PCDH15: variants seen among roughly 807,000 people sequenced by gnomAD.
PCDH15 encodes protocadherin-15.
PCDH15 carries 129 observed loss-of-function variants against 178.5 expected under a neutral mutation model. The ratio of observed to expected loss-of-function variants is 0.72; its 90% CI spans 0.63 to 0.84. PCDH15 has a LOEUF of 0.84. Ranked by LOEUF, PCDH15 falls within the 40% of genes least tolerant of loss-of-function variation. The pLI is 0.00. For missense variants in PCDH15, 2,230 were observed against 2,099.9 expected (o/e 1.06, Z -1.21); for synonymous variants, 800 against 732.0 (o/e 1.09, Z -1.50).
intron 3 of PCDH15, among the ~76,000 whole-genome samples, chr10:54,890,754 T>C (rs1954446115): frequency 6.6e-6 from 1 of 152,040 alleles, no homozygotes; most frequent in African/African-American, 2.4e-5. Flanking sequence ...GAATATGTAG[T>C]GGTAGGCCTG....
intron 2 of PCDH15, among the ~76,000 whole-genome samples, chr10:54,999,002 C>A (rs1455045994): frequency 6.6e-6 from 1 of 151,990 alleles, no homozygotes; most frequent in Non-Finnish European, 1.5e-5. Context: ...AATTTTTATT[C>A]ATTTTCTATC....
At chr10:54,662,528 C>T (rs1353749121) in intron 2 of PCDH15, among the ~76,000 whole-genome samples, 1 of 151,854 alleles carries the variant, frequency 6.6e-6, no homozygotes, top group African/African-American at 2.4e-5. Context: ...CTATGCAATG[C>T]CCAATAATGA....
chr10:55,010,882 G>T (rs1840031657), intron 2 of PCDH15, among the ~76,000 whole-genome samples: 1 of 151,648 alleles, frequency 6.6e-6, no homozygotes, highest in South Asian at 2.1e-4. Context: ...TCTTTTTCAG[G>T]CTGTTAGCAA....
At chr10:53,983,574 T>C (rs1213867463) in intron 21 of PCDH15, among the ~76,000 whole-genome samples, 1 of 152,176 alleles carries the variant, frequency 6.6e-6, no homozygotes, top group East Asian at 1.9e-4. Flanking sequence ...ACACAGCTAT[T>C]TAAGATTGTA....
rs533389016 is a variant in PCDH15 at position 54,721,407 on chromosome 10, C to T, written c.-28-57117G>A. The stretch of plus-strand genomic sequence containing the variant: ...TAGTAAAACTAAATGAGATCAAGAC[C>T]AAATAAATAACAAAAAGGACCAATT... On this transcript the variant is annotated intron_variant, in intron 1 of 37. Transcript: ENST00000644397. Among the ~76,000 whole-genome samples the T allele has an allele frequency of 2.3e-4, 35 of 151,638 alleles. No homozygotes were observed. In the South Asian group the frequency reaches 7.1e-3, roughly 31 times the overall value.
intron 13 of PCDH15, among the ~76,000 whole-genome samples, chr10:54,162,528 T>C (rs769360280): frequency 3.3e-5 from 5 of 152,198 alleles, no homozygotes; most frequent in Non-Finnish European, 7.4e-5. Flanking sequence ...CAAGATAAGA[T>C]ACCTTCATAT....
intron 28 of PCDH15, among the ~76,000 whole-genome samples, chr10:53,848,064 G>A (rs1431761519): frequency 1.3e-5 from 2 of 151,778 alleles, no homozygotes; most frequent in Non-Finnish European, 2.9e-5. Context: ...TACAGACTGC[G>A]GTAAATTGTG....
chr10:54,098,763 G>T (rs1342680737), intron 15 of PCDH15, among the ~76,000 whole-genome samples: 2 of 151,952 alleles, frequency 1.3e-5, no homozygotes, highest in South Asian at 4.2e-4. Context: ...CTACTTATTC[G>T]TGGCTATTGA....
chr10:55,498,634 C>A (rs1173316748), intron 2 of PCDH15, among the ~76,000 whole-genome samples: 2 of 151,840 alleles, frequency 1.3e-5, no homozygotes, highest in Non-Finnish European at 2.9e-5. Flanking sequence ...ATGAAATATG[C>A]TCAGTACTAT....
At chr10:55,558,497 T>C (rs1842133061) in intron 2 of PCDH15, among the ~76,000 whole-genome samples, 1 of 152,164 alleles carries the variant, frequency 6.6e-6, no homozygotes, top group Non-Finnish European at 1.5e-5. Context: ...ATTTTACATC[T>C]AATTTTTATT....
At chr10:54,291,470 A>G (rs977020634) in intron 8 of PCDH15, among the ~76,000 whole-genome samples, 1 of 152,224 alleles carries the variant, frequency 6.6e-6, no homozygotes, top group African/African-American at 2.4e-5. Flanking sequence ...AATAAGTAAT[A>G]TCAGAGCAGA....
rs955407095 is a variant in PCDH15 at position 55,469,955 on chromosome 10, G to A, written c.-156+157670C>T. Among the ~76,000 whole-genome samples the A allele has an allele frequency of 3.9e-5, 6 of 152,024 alleles. No homozygotes were observed. The South Asian group carries it at 1.2e-3, about 32-fold the overall frequency. ...TTTCCTCCTGGTGTTTCATGGATTT[G>A]TTTTTTCCACTTTTTAAAAATATTG... On this transcript the variant is annotated intron_variant, in intron 2 of 5. Transcript: ENST00000613346.
chr10:54,979,265 A>G (rs1307775395), intron 2 of PCDH15, among the ~76,000 whole-genome samples: 1 of 152,194 alleles, frequency 6.6e-6, no homozygotes, highest in Non-Finnish European at 1.5e-5. Context: ...TTTATAGAAG[A>G]AATTACTGAA....
At chr10:54,795,554 T>C (rs1951869400) in intron 1 of PCDH15, among the ~76,000 whole-genome samples, 1 of 151,906 alleles carries the variant, frequency 6.6e-6, no homozygotes, top group Admixed American at 6.6e-5. Context: ...TCAGAGCAAA[T>C]ATGTATTCTT....
chr10:54,000,626 TAC>T (rs1361094709), intron 20 of PCDH15, among the ~76,000 whole-genome samples: 1 of 141,026 alleles, frequency 7.1e-6, no homozygotes, highest in Non-Finnish European at 1.5e-5. Context: ...CATTTCAAAA[TAC>T]ACAGTCAGAG....
intron 10 of PCDH15, among the ~76,000 whole-genome samples, chr10:54,202,739 G>A (rs1277584600): frequency 6.7e-6 from 1 of 150,334 alleles, no homozygotes; most frequent in African/African-American, 2.4e-5. Context: ...TTGAACCCGG[G>A]AGGCAGAGGT....
intron 1 of PCDH15, among the ~76,000 whole-genome samples, chr10:54,668,258 G>A (rs1325395416): frequency 6.6e-6 from 1 of 151,816 alleles, no homozygotes; most frequent in Non-Finnish European, 1.5e-5. Flanking sequence ...AATAAAGATA[G>A]ACCAATAACA....
chr10:54,824,476 A>T (rs192347063), intron 3 of PCDH15, among the ~76,000 whole-genome samples: 75 of 152,208 alleles, frequency 4.9e-4, no homozygotes, highest in African/African-American at 1.7e-3. Flanking sequence ...AACAGTCAGG[A>T]TGCATGAGTA....
At chr10:55,425,196 T>C (rs766821950) in intron 2 of PCDH15, among the ~76,000 whole-genome samples, 5 of 151,888 alleles carry the variant, frequency 3.3e-5, no homozygotes, top group Non-Finnish European at 2.9e-5. Context: ...TTAATAATAC[T>C]TAATTATAAT....
Sources: allele counts gnomAD v4.1 joint callset (sites outside exome capture counted in the v4.1 genomes callset), GRCh38; gene constraint gnomAD v4.1.1; transcripts MANE v1.5; gene names NCBI Gene and HGNC (gene_info 2026-07-23, HGNC 2026-07-21).